The following CCDC73 variants were observed in gnomAD, a reference collection of about 807,000 sequenced individuals.
CCDC73 encodes the protein coiled-coil domain containing 73, also known as coiled-coil domain-containing protein 73.
A neutral mutation model predicts 116.5 loss-of-function variants in CCDC73; 95 were observed. The observed-to-expected ratio is 0.82, with a 90% confidence interval of 0.69 to 0.97. CCDC73 has a LOEUF of 0.97. Among genes scored for constraint, CCDC73 ranks in the 50% least tolerant of loss-of-function variants. CCDC73 has a pLI of 0.00. For synonymous variants in CCDC73, 398 were observed against 401.3 expected, an observed-to-expected ratio of 0.99 and a Z score of 0.10; for missense variants, 1,066 against 1,206.8, an observed-to-expected ratio of 0.88 and a Z score of 1.73.
chr11:32,609,983 G>T (rs1275534644), intron 17 of CCDC73, among the ~76,000 whole-genome samples: 1 of 150,676 alleles, frequency 6.6e-6, no homozygotes, highest in African/African-American at 2.4e-5. Flanking sequence ...TAGAGACAGG[G>T]TTTCACCATG....
At chr11:32,673,305 T>A (rs1856056125) in intron 9 of CCDC73, among the ~76,000 whole-genome samples, 1 of 152,168 alleles carries the variant, frequency 6.6e-6, no homozygotes, top group Non-Finnish European at 1.5e-5. Flanking sequence ...AGGTTGTGCA[T>A]GTGTGAGGAC....
intron 2 of CCDC73, among the ~76,000 whole-genome samples, chr11:32,744,097 A>T (rs1267692958): frequency 6.6e-6 from 1 of 152,128 alleles, no homozygotes; most frequent in Admixed American, 6.5e-5. Flanking sequence ...TACCTAGTTT[A>T]TTAAGAGTGT....
chr11:32,638,454 G>A (rs1855701383), intron 13 of CCDC73, among the ~76,000 whole-genome samples: 1 of 151,990 alleles, frequency 6.6e-6, no homozygotes, highest in Non-Finnish European at 1.5e-5. Flanking sequence ...GGACTTTCAT[G>A]CCTCCATGAT....
At chr11:32,621,505 C>T (rs956720882) in intron 14 of CCDC73, among the ~76,000 whole-genome samples, 13 of 152,140 alleles carry the variant, frequency 8.5e-5, no homozygotes, top group African/African-American at 3.1e-4. Flanking sequence ...TTCCTTACAC[C>T]TTATACAAAA....
the CCDC73 span, among the ~76,000 whole-genome samples, chr11:32,811,681 A>G: frequency 6.6e-6 from 1 of 152,238 alleles, no homozygotes; most frequent in African/African-American, 2.4e-5. Flanking sequence ...GGCAAGAGCA[A>G]GCAGGAGAGA....
intron 3 of CCDC73, among the ~76,000 whole-genome samples, chr11:32,717,550 C>G (rs975847230): frequency 9.9e-5 from 15 of 152,266 alleles, no homozygotes; most frequent in African/African-American, 3.1e-4. Context: ...ATGTTACCAA[C>G]AGTTTTAGTT....
chr11:32,805,268 T>C, the CCDC73 span, among the ~76,000 whole-genome samples: 1 of 152,256 alleles, frequency 6.6e-6, no homozygotes, highest in Non-Finnish European at 1.5e-5. Flanking sequence ...TCTTATTTTC[T>C]GCTTTTCATG....
intron 4 of CCDC73, among the ~76,000 whole-genome samples, chr11:32,702,655 T>C (rs937771777): frequency 3.9e-5 from 6 of 152,102 alleles, no homozygotes; most frequent in Non-Finnish European, 7.4e-5. Context: ...TCCAAGAAAA[T>C]AGTTTTCCCA....
At chr11:32,718,708 G>A (rs1590611267) in intron 2 of CCDC73, among the ~76,000 whole-genome samples, 2 of 152,156 alleles carry the variant, frequency 1.3e-5, no homozygotes, top group East Asian at 3.9e-4. Context: ...AAAAGCACTA[G>A]TGGAAACCCT....
Position 32,602,731 on chromosome 11 carries a change from T to C in CCDC73, c.*80A>G. 1.8e-6 allele frequency: 2 copies of C among 1,111,430 alleles called. No individual in the cohort carries two copies. Among genetic ancestry groups the C allele is most frequent in the South Asian group, 3.4e-5 (2 of 59,458 alleles). The allele number at this position is 1,111,430 out of a possible 1,614,324, so 68.8% of individuals were successfully genotyped here. A position where few individuals can be genotyped will look rare whatever the true frequency, so the allele number is the denominator to read the frequency against. On this transcript the variant is annotated 3_prime_UTR_variant, in exon 18 of 18. Transcript: ENST00000335185. Reference sequence around the variant, plus strand: ...CAAAGACAAACTGTAGAGCTTTAAATACAACAGTCATTTTATTCTAGTAAA... The same window carrying C: ...CAAAGACAAACTGTAGAGCTTTAAACACAACAGTCATTTTATTCTAGTAAA...
chr11:32,672,222 G>A (rs577258605), intron 9 of CCDC73, among the ~76,000 whole-genome samples: 82 of 152,190 alleles, frequency 5.4e-4, no homozygotes, highest in Non-Finnish European at 2.9e-4. Flanking sequence ...CATGCCTGTA[G>A]TCCCAGCTAC....
At position 32,679,261 on chromosome 11, in the gene CCDC73, G is replaced by T. The variant is rs182239969; in HGVS notation, c.430-3240C>A. Among the ~76,000 whole-genome samples the T allele has an allele frequency of 1.6e-4, 25 of 152,252 alleles. No individual in the cohort carries two copies. In the East Asian group the frequency reaches 3.5e-3, roughly 21 times the overall value. ...TCTTCTAAAATACCCCTTAATTTCT[G>T]ATTGAGAGAATTATATTAGCTCTCA... On this transcript the variant is annotated intron_variant, in intron 7 of 17. Transcript: ENST00000335185.
rs188950262 is a variant in CCDC73, at chr11:32,613,550, C to A, written c.2768G>T (p.Ser923Ile). The change falls in exon 16 of 18, where the codon AGT (serine) becomes ATT (isoleucine). Residue 923 changes from serine to isoleucine, a missense_variant. Physicochemically the swap from Ser to Ile is moderately radical, Grantham distance 142. Transcript: ENST00000335185. ...CAACAAAGAAATGCAAGGGGTCGAA[C>A]TGCTCGCTGTTTGACTTTCAATGTG... ...VNHIESQTASSSTPCISLLLK... is the reference protein window; with the variant it reads ...VNHIESQTASISTPCISLLLK... 10,942 of 1,614,104 alleles carry A rather than the reference C, an allele frequency of 6.8e-3. 55 individuals are homozygous for A. Among genetic ancestry groups the A allele is most frequent in the Non-Finnish European group, 8.3e-3 (9,819 of 1,180,002 alleles).
the CCDC73 span, among the ~76,000 whole-genome samples, chr11:32,808,367 G>A: frequency 1.3e-5 from 2 of 152,304 alleles, no homozygotes; most frequent in East Asian, 1.9e-4. Flanking sequence ...GGCTGGGCGC[G>A]GTGGCTCACA....
chr11:32,745,288 G>C (rs957559108), intron 2 of CCDC73, among the ~76,000 whole-genome samples: 2 of 152,104 alleles, frequency 1.3e-5, no homozygotes, highest in African/African-American at 4.8e-5. Context: ...TGTGATTTCT[G>C]TTCTTTTACA....
intron 6 of CCDC73, among the ~76,000 whole-genome samples, chr11:32,694,556 GC>G (rs1799205436): frequency 6.6e-6 from 1 of 151,958 alleles, no homozygotes; most frequent in South Asian, 2.1e-4. Context: ...TAACAAACCT[GC>G]ACATTGTGCA....
intron 2 of CCDC73, among the ~76,000 whole-genome samples, chr11:32,747,583 T>C (rs7938914): frequency 0.59 from 89,681 of 152,052 alleles, 26,759 homozygotes; most frequent in East Asian, 0.84. Context: ...CAGTTGGCTC[T>C]ACCCAGTTCA....
chr11:32,709,330 AC>A (rs1849879973), intron 3 of CCDC73, among the ~76,000 whole-genome samples: 1 of 151,704 alleles, frequency 6.6e-6, no homozygotes, highest in Non-Finnish European at 1.5e-5. Context: ...ATGGAATCTT[AC>A]TCTGTTGCCC....
At chr11:32,696,907 GC>G (rs1856316603) in intron 6 of CCDC73, among the ~76,000 whole-genome samples, 1 of 149,142 alleles carries the variant, frequency 6.7e-6, no homozygotes, top group Admixed American at 6.7e-5. Flanking sequence ...ATGGCTCACA[GC>G]AGCCTCGACC....
Sources: gnomAD v4.1 joint callset for allele counts (sites outside exome capture counted in the v4.1 genomes callset) on GRCh38, gnomAD v4.1.1 for gene constraint, MANE v1.5 for transcripts, NCBI Gene and HGNC (gene_info 2026-07-23, HGNC 2026-07-21) for gene names.